Variants in TSHZ2 observed in about 807,000 individuals in gnomAD.
TSHZ2 encodes teashirt homolog 2.
In TSHZ2, 21 loss-of-function variants were observed where a neutral mutation model predicts 74.4. The ratio of observed to expected loss-of-function variants is 0.28; its 90% CI spans 0.20 to 0.41. TSHZ2 has a LOEUF of 0.41. Among genes scored for constraint, TSHZ2 ranks in the 10% least tolerant of loss-of-function variants. The pLI is 1.00. For synonymous variants in TSHZ2, 540 were observed against 515.3 expected (o/e 1.05, Z -0.65); for missense variants, 1,244 against 1,293.5 (o/e 0.96, Z 0.59).
intron 1 of TSHZ2, among the ~76,000 whole-genome samples, chr20:53,012,375 G>T (rs1600644980): frequency 6.6e-6 from 1 of 152,132 alleles, no homozygotes; most frequent in Non-Finnish European, 1.5e-5. Context: ...TCAGAATGTG[G>T]TCCTCAGAGC....
chr20:53,108,044 C>G (rs1639887045), intron 1 of TSHZ2, among the ~76,000 whole-genome samples: 1 of 152,186 alleles, frequency 6.6e-6, no homozygotes, highest in East Asian at 1.9e-4. Flanking sequence ...TCTCTCTTCC[C>G]CATGGGGAGC....
intron 2 of TSHZ2, among the ~76,000 whole-genome samples, chr20:53,340,173 C>CTTTTT (rs1285149762): frequency 4.8e-4 from 30 of 62,060 alleles, no homozygotes; most frequent in African/African-American, 1.8e-3. Context: ...GGTGACTTTT[C>CTTTTT]TTTCTTTTTT....
At chr20:53,388,593 CTT>C (rs773016204) in intron 2 of TSHZ2, among the ~76,000 whole-genome samples, 9 of 142,364 alleles carry the variant, frequency 6.3e-5, no homozygotes, top group South Asian at 2.2e-4. Context: ...TTTTTTCTTT[CTT>C]TTTTTTTTTT....
intron 2 of TSHZ2, among the ~76,000 whole-genome samples, chr20:53,389,933 T>A (rs936943111): frequency 3.9e-5 from 6 of 152,216 alleles, no homozygotes; most frequent in Non-Finnish European, 5.9e-5. Flanking sequence ...GGCCACTTAT[T>A]TTCATGCTGT....
intron 1 of TSHZ2, among the ~76,000 whole-genome samples, chr20:53,153,924 C>T (rs1039599431): frequency 2.0e-5 from 3 of 152,166 alleles, no homozygotes; most frequent in African/African-American, 7.2e-5. Context: ...GCAGGCTAAC[C>T]TAGGCTTGTT....
At chr20:53,056,990 G>A (rs1314170348) in intron 1 of TSHZ2, among the ~76,000 whole-genome samples, 1 of 152,154 alleles carries the variant, frequency 6.6e-6, no homozygotes, top group Non-Finnish European at 1.5e-5. Flanking sequence ...GAGGGACCTG[G>A]TGGGAGGTCA....
intron 2 of TSHZ2, among the ~76,000 whole-genome samples, chr20:53,354,691 G>A (rs1980780340): frequency 6.6e-6 from 1 of 152,168 alleles, no homozygotes; most frequent in African/African-American, 2.4e-5. Flanking sequence ...AGGAAGACAA[G>A]GGCAGAGTTA....
intron 1 of TSHZ2, among the ~76,000 whole-genome samples, chr20:53,038,896 G>GT (rs374364980): frequency 0.018 from 2,477 of 140,486 alleles, 90 homozygotes; most frequent in African/African-American, 0.071. Context: ...TTGTTTGTTT[G>GT]TTTGTTTGTT....
At chr20:53,241,050 G>A (rs1990057106) in intron 1 of TSHZ2, among the ~76,000 whole-genome samples, 2 of 152,144 alleles carry the variant, frequency 1.3e-5, no homozygotes, top group African/African-American at 4.8e-5. Flanking sequence ...GGAGGATGCT[G>A]ATAAAGTGAC....
At chr20:53,278,234 A>G (rs1316323158) in intron 2 of TSHZ2, among the ~76,000 whole-genome samples, 3 of 152,238 alleles carry the variant, frequency 2.0e-5, no homozygotes, top group Admixed American at 1.3e-4. Flanking sequence ...GCCCAGATAG[A>G]TAGCTGGAGC....
At chr20:53,324,385 CT>C (rs1421492105) in intron 2 of TSHZ2, among the ~76,000 whole-genome samples, 1 of 151,896 alleles carries the variant, frequency 6.6e-6, no homozygotes. Context: ...TTTTGTTTTG[CT>C]TTGTTTTTTG....
rs528279634 is a variant in TSHZ2 at position 53,024,228 on chromosome 20, A to C, written c.40+50895A>C. Among the ~76,000 whole-genome samples, 30 of 151,974 alleles carry C rather than the reference A, an allele frequency of 2.0e-4. 1 individual carries two copies. The South Asian group carries it at 5.2e-3, about 26-fold the overall frequency. On this transcript the variant is annotated intron_variant, in intron 1 of 2. Coordinates refer to ENST00000371497, the MANE Select transcript of TSHZ2 (RefSeq NM_173485.6). ...CTTAAAACTGTTGGATGATGTTGAGAGATTATTGTTAGTAGGTCAAGCCAA... is the reference window on the plus strand; with the variant it reads ...CTTAAAACTGTTGGATGATGTTGAGCGATTATTGTTAGTAGGTCAAGCCAA...
chr20:53,047,445 AGAAAG>A (rs1984268084), intron 1 of TSHZ2, among the ~76,000 whole-genome samples: 1 of 152,178 alleles, frequency 6.6e-6, no homozygotes, highest in Admixed American at 6.5e-5. Context: ...CCAGCCAGCA[AGAAAG>A]GAAAAGCAGT....
At chr20:53,298,634 G>A (rs966526240) in intron 2 of TSHZ2, among the ~76,000 whole-genome samples, 18 of 152,204 alleles carry the variant, frequency 1.2e-4, no homozygotes, top group African/African-American at 3.6e-4. Context: ...CAGGGTGCAG[G>A]GGATCTTGTC....
At chr20:53,153,732 C>A (rs1987728701) in intron 1 of TSHZ2, among the ~76,000 whole-genome samples, 1 of 152,066 alleles carries the variant, frequency 6.6e-6, no homozygotes, top group Non-Finnish European at 1.5e-5. Flanking sequence ...CCAACTGGAG[C>A]CATTAGCTTT....
At chr20:53,486,873 G>T (rs931022815) in intron 2 of TSHZ2, among the ~76,000 whole-genome samples, 1 of 151,974 alleles carries the variant, frequency 6.6e-6, no homozygotes, top group Admixed American at 6.6e-5. Context: ...GTAGACCCTA[G>T]CGTCTGTTGT....
rs1219592573 is a variant in TSHZ2 at position 53,494,042 on chromosome 20, T to C, written c.*6907T>C. Reference sequence around the variant, plus strand: ...GCTCAAGCCTGTAACCCCTGCACTTTGGAAGGCTGAGGCAGGCGGATCACT... The same window carrying C: ...GCTCAAGCCTGTAACCCCTGCACTTCGGAAGGCTGAGGCAGGCGGATCACT... On this transcript the variant is annotated 3_prime_UTR_variant, in exon 3 of 3. Coordinates refer to ENST00000371497, the MANE Select transcript of TSHZ2 (RefSeq NM_173485.6). 6.6e-6 allele frequency: 1 copy of C among 152,430 alleles called. No homozygotes were observed. The highest frequency in any genetic ancestry group is 1.9e-4 in the East Asian group (1 of 5,190). 9.4% of individuals were successfully genotyped at this position (152,430 alleles called of 1,614,324 possible).
chr20:53,017,880 G>C (rs1441990904), intron 1 of TSHZ2, among the ~76,000 whole-genome samples: 2 of 152,146 alleles, frequency 1.3e-5, no homozygotes, highest in African/African-American at 2.4e-5. Context: ...TTTCACAATA[G>C]ACTATGTAAC....
intron 1 of TSHZ2, among the ~76,000 whole-genome samples, chr20:53,006,736 CCTTCATT>C (rs1982660855): frequency 6.6e-6 from 1 of 152,106 alleles, no homozygotes; most frequent in Admixed American, 6.5e-5. Flanking sequence ...TACATGTAGT[CCTTCATT>C]CTTCATTCTT....
Sources: allele counts gnomAD v4.1 joint callset (sites outside exome capture counted in the v4.1 genomes callset), GRCh38; gene constraint gnomAD v4.1.1; transcripts MANE v1.5; gene names NCBI Gene and HGNC (gene_info 2026-07-23, HGNC 2026-07-21).